The following TMEM114 variants were observed in gnomAD, a reference collection of about 807,000 sequenced individuals.
The protein encoded by TMEM114 is claudin-26.
In TMEM114, 6 loss-of-function variants were observed where a neutral mutation model predicts 6.2. The observed-to-expected ratio is 0.97, with a 90% CI of 0.53 to 1.91. The LOEUF (loss-of-function observed/expected upper bound fraction) is 1.91, where lower values mean the gene tolerates loss of function less well. Ranked by LOEUF, TMEM114 falls within the 40% of genes most tolerant of loss-of-function variation. TMEM114 has a pLI of 0.01. For synonymous variants in TMEM114, 104 were observed against 73.0 expected, an observed-to-expected ratio of 1.42 and a Z score of -2.16; for missense variants, 218 against 158.3, an observed-to-expected ratio of 1.38 and a Z score of -2.02.
At chr16:8,558,901 C>T (rs1901104360) in intron 2 of TMEM114, among the ~76,000 whole-genome samples, 2 of 135,088 alleles carry the variant, frequency 1.5e-5, no homozygotes, top group African/African-American at 3.1e-5. Context: ...CCACCATGCC[C>T]AGCTAATTTT....
intron 2 of TMEM114, among the ~76,000 whole-genome samples, chr16:8,585,176 A>T (rs750952049): frequency 1.3e-5 from 2 of 152,132 alleles, no homozygotes; most frequent in African/African-American, 4.8e-5. Context: ...GTTCACTATC[A>T]CAAGAACAGT....
chr16:8,545,878 G>T lies in TMEM114; in HGVS notation n.213-8052C>A, dbSNP rs532635817. Among the ~76,000 whole-genome samples, 17 of 152,310 alleles carry T rather than the reference G, an allele frequency of 1.1e-4. 1 individual carries two copies. Among genetic ancestry groups the T allele is most frequent in the East Asian group, 9.7e-4 (5 of 5,180 alleles). Reference sequence around the variant, plus strand: ...GCCTGTAATCCCAGCACTTTGGGAGGTTGAGGGAGAAGGATTGCTTGAGCC... The same window carrying T: ...GCCTGTAATCCCAGCACTTTGGGAGTTTGAGGGAGAAGGATTGCTTGAGCC... On this transcript the variant is annotated intron_variant and non_coding_transcript_variant, in intron 2 of 2. Coordinates refer to the TMEM114 transcript ENST00000623677.
intron 2 of TMEM114, among the ~76,000 whole-genome samples, chr16:8,556,756 G>A (rs992699150): frequency 6.6e-6 from 1 of 152,184 alleles, no homozygotes; most frequent in African/African-American, 2.4e-5. Context: ...ACCCGCCTCA[G>A]CCTCCCAAAG....
chr16:8,553,044 T>G (rs2141660686), intron 2 of TMEM114, among the ~76,000 whole-genome samples: 1 of 152,384 alleles, frequency 6.6e-6, no homozygotes, highest in African/African-American at 2.4e-5. Flanking sequence ...TCTTGCTTCC[T>G]GCCAGGTTTT....
chr16:8,542,642 A>C (rs1224300722), intron 2 of TMEM114, among the ~76,000 whole-genome samples: 3 of 152,206 alleles, frequency 2.0e-5, no homozygotes, highest in Non-Finnish European at 2.9e-5. Flanking sequence ...GGCCAGCAAC[A>C]GGGGTAGGAG....
chr16:8,550,964 T>C (rs1198203266), intron 2 of TMEM114, among the ~76,000 whole-genome samples: 1 of 152,202 alleles, frequency 6.6e-6, no homozygotes, highest in African/African-American at 2.4e-5. Flanking sequence ...TGTACTTGAT[T>C]TGCAGAACTA....
intron 2 of TMEM114, among the ~76,000 whole-genome samples, chr16:8,558,290 A>G (rs1176408778): frequency 1.3e-5 from 2 of 152,290 alleles, no homozygotes; most frequent in East Asian, 1.9e-4. Context: ...TCAAGGTGTC[A>G]GGTGGGCCAT....
chr16:8,563,149 CTGAA>C lies in TMEM114; in HGVS notation n.213-25327_213-25324del, dbSNP rs1435079900. Among the ~76,000 whole-genome samples the C allele has an allele frequency of 6.4e-5, 7 of 108,962 alleles. No individual in the cohort carries two copies. In the South Asian group the frequency reaches 1.2e-3, roughly 18 times the overall value. 71.5% of individuals were successfully genotyped at this position (108,962 alleles called of 152,430 possible). On this transcript the variant is annotated intron_variant and non_coding_transcript_variant, in intron 2 of 2. Coordinates refer to the TMEM114 transcript ENST00000623677. ...AGTGTGTGAATGAGTAAATGAGTGA[CTGAA>C]TGAGTGAGTGAGTGAGTAAATGAGT...
At chr16:8,572,389 A>T in intron 2 of TMEM114, 165 bp from the exon 3 acceptor site, 1 of 763,592 alleles carries the variant, frequency 1.3e-6, no homozygotes, top group Non-Finnish European at 2.2e-6. Flanking sequence ...TGACCATGAC[A>T]ACAGTGGTTG....
intron 2 of TMEM114, among the ~76,000 whole-genome samples, chr16:8,559,981 C>G (rs1467249576): frequency 6.6e-6 from 1 of 152,092 alleles, no homozygotes. Context: ...CTGGAAACTT[C>G]TGGCTAATGA....
Position 8,589,176 on chromosome 16 carries a change from G to A in TMEM114, c.301+37C>T, listed in dbSNP as rs1040800657. 372 of 398,468 alleles carry A rather than the reference G, an allele frequency of 9.3e-4. 2 individuals are homozygous for A. The East Asian group carries it at 0.013, about 14-fold the overall frequency. 24.7% of individuals were successfully genotyped at this position (398,468 alleles called of 1,614,324 possible). On this transcript the variant is annotated intron_variant, in intron 2 of 3. Coordinates refer to ENST00000620492, the MANE Select transcript of TMEM114 (RefSeq NM_001146336.2). ...GGCTCCAGAACTCACGGCTAGGACC[G>A]GGGCGCTCCCTCCATCCTCACCCTC...
At chr16:8,562,599 A>G (rs1253513594) in intron 2 of TMEM114, among the ~76,000 whole-genome samples, 1 of 151,322 alleles carries the variant, frequency 6.6e-6, no homozygotes, top group Non-Finnish European at 1.5e-5. Flanking sequence ...TAAGTGAATG[A>G]GTGAGTGAGT....
rs184168316 is a variant in TMEM114 at position 8,572,194 on chromosome 16, G to A, written c.332C>T (p.Pro111Leu). ...AAAAACCATCAGGATCAGGCTGAGC[G>A]GCAGCAGAATCACAAATGTCCCATG... ...TMHGTFVILL[P>L]LSLILMVFGG... Residue 111 changes from proline (P) to leucine (L), a missense_variant, in exon 3 of 4, where the codon CCG becomes CTG. By Grantham distance (98) the Pro-to-Leu change is moderately conservative. Coordinates refer to ENST00000620492, the MANE Select transcript of TMEM114 (RefSeq NM_001146336.2). 200 of 1,551,640 alleles carry A rather than the reference G, an allele frequency of 1.3e-4. No homozygotes were observed. The highest frequency in any genetic ancestry group is 1.1e-3 in the Admixed American group (58 of 51,008).
At chr16:8,578,383 T>A (rs1234360074) in intron 2 of TMEM114, among the ~76,000 whole-genome samples, 3 of 152,168 alleles carry the variant, frequency 2.0e-5, no homozygotes, top group Non-Finnish European at 4.4e-5. Flanking sequence ...CCCTGGCTTG[T>A]GGCTATGTCA....
chr16:8,561,254 C>A (rs1901190012), intron 2 of TMEM114, among the ~76,000 whole-genome samples: 1 of 152,222 alleles, frequency 6.6e-6, no homozygotes, highest in African/African-American at 2.4e-5. Flanking sequence ...TCTTGGGCAA[C>A]ACTTATTGAG....
rs33923749 is a variant in TMEM114, at chr16:8,552,508, G to GTACACA, written n.213-14683_213-14682insTGTGTA. Among the ~76,000 whole-genome samples the GTACACA allele has an allele frequency of 5.1e-4, 75 of 146,634 alleles. 1 individual carries two copies. The highest frequency in any genetic ancestry group is 1.5e-3 in the African/African-American group (60 of 39,050). ...ACATAGCAGAAATTTGCACAAAACT[G>GTACACA]CACACACACACACACACACACAAAG... On this transcript the variant is annotated intron_variant and non_coding_transcript_variant, in intron 2 of 2. Transcript: ENST00000623677.
At chr16:8,528,104 C>G in the TMEM114 span, among the ~76,000 whole-genome samples, 1 of 151,854 alleles carries the variant, frequency 6.6e-6, no homozygotes, top group Non-Finnish European at 1.5e-5. Flanking sequence ...TTTCGCCATG[C>G]TGCCCAGGCT....
At chr16:8,551,792 C>G (rs1320663254) in intron 2 of TMEM114, among the ~76,000 whole-genome samples, 3 of 152,150 alleles carry the variant, frequency 2.0e-5, no homozygotes, top group Non-Finnish European at 4.4e-5. Context: ...AGCTCATGTA[C>G]CAAATGTAAA....
chr16:8,553,628 G>A (rs772408968), intron 2 of TMEM114, among the ~76,000 whole-genome samples: 4 of 152,158 alleles, frequency 2.6e-5, no homozygotes, highest in East Asian at 1.9e-4. Flanking sequence ...TGGGACTGCC[G>A]GCGCCTGCCA....
Sources: gnomAD v4.1 joint callset for allele counts (sites outside exome capture counted in the v4.1 genomes callset) on GRCh38, gnomAD v4.1.1 for gene constraint, MANE v1.5 for transcripts, NCBI Gene and HGNC (gene_info 2026-07-23, HGNC 2026-07-21) for gene names.